SPATA17: variants seen among roughly 807,000 people sequenced by gnomAD.
SPATA17 encodes the protein spermatogenesis associated 17.
A neutral mutation model predicts 62.2 loss-of-function variants in SPATA17; 53 were observed. The observed-to-expected ratio is 0.85, with a 90% confidence interval of 0.68 to 1.07. The LOEUF is 1.07. SPATA17 is among the 50% of genes least tolerant of loss of function. The probability of loss-of-function intolerance (pLI) is 0.00; values close to 1 mark genes in which losing one functional copy is unlikely to be tolerated. For missense variants in SPATA17, 466 were observed against 425.5 expected (o/e 1.10, Z -0.84); for synonymous variants, 146 against 146.8 (o/e 0.99, Z 0.04).
intron 1 of SPATA17, among the ~76,000 whole-genome samples, chr1:217,634,897 TTTGTTGTTGTTGTTG>T (rs140552696): frequency 1.5e-4 from 22 of 150,064 alleles, no homozygotes; most frequent in Admixed American, 9.3e-4. Context: ...TATTGGCCTT[TTTGTTGTTGTTGTTG>T]TTGTTGTTGT....
intron 8 of SPATA17, chr1:217,784,849 G>A (rs186892047): frequency 7.2e-5 from 11 of 152,226 alleles, no homozygotes; most frequent in Admixed American, 4.6e-4. Context: ...TCCTAACCTC[G>A]TTAAAGGCCT....
chr1:217,787,498 T>C (rs1287524835), intron 8 of SPATA17, among the ~76,000 whole-genome samples: 5 of 152,278 alleles, frequency 3.3e-5, no homozygotes, highest in African/African-American at 1.2e-4. Flanking sequence ...TCTCTCTTGT[T>C]TCTGTTAAAA....
intron 10 of SPATA17, among the ~76,000 whole-genome samples, chr1:217,863,104 T>C (rs1191977890): frequency 6.7e-6 from 1 of 149,556 alleles, no homozygotes; most frequent in Non-Finnish European, 1.5e-5. Context: ...ACATTAAAAA[T>C]CTAAAATACT....
At chr1:217,830,023 T>C (rs1224990803) in intron 9 of SPATA17, among the ~76,000 whole-genome samples, 1 of 152,106 alleles carries the variant, frequency 6.6e-6, no homozygotes, top group Non-Finnish European at 1.5e-5. Context: ...CCTAAACTAA[T>C]GTTGTAAACC....
At chr1:217,824,095 G>A (rs1674931452) in intron 9 of SPATA17, among the ~76,000 whole-genome samples, 1 of 151,894 alleles carries the variant, frequency 6.6e-6, no homozygotes, top group African/African-American at 2.4e-5. Flanking sequence ...TTTAACTGGA[G>A]AATTTAATCC....
At chr1:217,654,860 G>A (rs552182287) in intron 3 of SPATA17, among the ~76,000 whole-genome samples, 10 of 151,364 alleles carry the variant, frequency 6.6e-5, no homozygotes, top group South Asian at 4.2e-4. Context: ...CTACAGGCAC[G>A]TGCCACCACG....
intron 9 of SPATA17, among the ~76,000 whole-genome samples, chr1:217,836,854 A>C (rs1045746936): frequency 1.3e-5 from 2 of 152,136 alleles, no homozygotes; most frequent in Admixed American, 6.6e-5. Context: ...TTATTTTACT[A>C]TCTTATAATT....
intron 3 of SPATA17, among the ~76,000 whole-genome samples, chr1:217,651,834 C>T (rs1234089731): frequency 6.6e-6 from 1 of 152,092 alleles, no homozygotes; most frequent in African/African-American, 2.4e-5. Flanking sequence ...ATATACCAGG[C>T]ATGTTGTGTA....
Position 217,869,553 on chromosome 1 carries a change from TA to T in SPATA17, c.*2535del, listed in dbSNP as rs1571852321. The T allele has an allele frequency of 6.6e-6, 1 of 152,230 alleles. No homozygotes were observed. Among genetic ancestry groups the T allele is most frequent in the East Asian group, 1.9e-4 (1 of 5,168 alleles). 9.4% of individuals were successfully genotyped at this position (152,230 alleles called of 1,614,324 possible). On this transcript the variant is annotated 3_prime_UTR_variant, in exon 11 of 11. Coordinates refer to ENST00000366933, the MANE Select transcript of SPATA17 (RefSeq NM_138796.4). The stretch of plus-strand genomic sequence containing the variant: ...GGGCCATTGCAAAATATGTCAAAAA[TA>T]TATATTTTAGGGTAAAATGCCTCAA...
intron 5 of SPATA17, among the ~76,000 whole-genome samples, chr1:217,684,414 A>G (rs1166570843): frequency 6.6e-6 from 1 of 151,722 alleles, no homozygotes; most frequent in Non-Finnish European, 1.5e-5. Flanking sequence ...ATCTTATTTT[A>G]CTCTTTTATT....
chr1:217,696,417 G>A (rs906022541), intron 5 of SPATA17, among the ~76,000 whole-genome samples: 4 of 152,100 alleles, frequency 2.6e-5, no homozygotes, highest in African/African-American at 4.8e-5. Flanking sequence ...AGATGAACCC[G>A]GTACCTCAGA....
At chr1:217,750,138 A>T (rs1672871522) in intron 6 of SPATA17, among the ~76,000 whole-genome samples, 1 of 151,128 alleles carries the variant, frequency 6.6e-6, no homozygotes, top group Admixed American at 6.6e-5. Flanking sequence ...CTGTTACTTT[A>T]CCGTTAAAGA....
At chr1:217,700,882 G>A (rs546302469) in intron 5 of SPATA17, among the ~76,000 whole-genome samples, 20 of 149,324 alleles carry the variant, frequency 1.3e-4, no homozygotes, top group Non-Finnish European at 2.5e-4. Flanking sequence ...CTGGGATTAC[G>A]GTTATGAGGC....
chr1:217,734,766 G>C (rs974372750), intron 5 of SPATA17, among the ~76,000 whole-genome samples: 7 of 152,092 alleles, frequency 4.6e-5, no homozygotes, highest in African/African-American at 1.7e-4. Flanking sequence ...TCAAAATTAT[G>C]ATTTTTGTGG....
chr1:217,770,817 AG>A (rs1673418560), intron 6 of SPATA17, among the ~76,000 whole-genome samples: 1 of 152,040 alleles, frequency 6.6e-6, no homozygotes, highest in Non-Finnish European at 1.5e-5. Flanking sequence ...AATGGTTCAA[AG>A]TATTAATGTA....
chr1:217,689,004 G>T (rs992235317), intron 5 of SPATA17, among the ~76,000 whole-genome samples: 1 of 152,066 alleles, frequency 6.6e-6, no homozygotes, highest in Non-Finnish European at 1.5e-5. Flanking sequence ...TTTTCACTTT[G>T]TCAAGCAGCT....
Position 217,859,149 on chromosome 1 carries a change from T to A in SPATA17, c.1006-3625T>A, listed in dbSNP as rs530758453. The stretch of plus-strand genomic sequence containing the variant: ...ATTTATATATAATTAAAACATAATT[T>A]TATATATAATATATAAAATTTTATA... On this transcript the variant is annotated intron_variant, in intron 9 of 10. Coordinates refer to ENST00000366933, the MANE Select transcript of SPATA17 (RefSeq NM_138796.4). Among the ~76,000 whole-genome samples the A allele has an allele frequency of 3.5e-4, 51 of 146,658 alleles. No homozygotes were observed. The South Asian group carries it at 0.011, about 31-fold the overall frequency.
intron 4 of SPATA17, among the ~76,000 whole-genome samples, chr1:217,676,842 A>G (rs1286100775): frequency 6.6e-6 from 1 of 152,142 alleles, no homozygotes; most frequent in Non-Finnish European, 1.5e-5. Context: ...TCTATGAGGA[A>G]TGAAAAAAAT....
chr1:217,782,462 A>G, intron 8 of SPATA17, 140 bp downstream of exon 8: 1 of 904,098 alleles, frequency 1.1e-6, no homozygotes, highest in Non-Finnish European at 1.5e-6. Flanking sequence ...CAAAGCAATA[A>G]TTTTTCAGCA....
Sources: gnomAD v4.1 joint callset for allele counts (sites outside exome capture counted in the v4.1 genomes callset) on GRCh38, gnomAD v4.1.1 for gene constraint, MANE v1.5 for transcripts, NCBI Gene and HGNC (gene_info 2026-07-23, HGNC 2026-07-21) for gene names.